AGTPBP1: variants seen among roughly 807,000 people sequenced by gnomAD.
AGTPBP1 encodes the protein ATP/GTP binding carboxypeptidase 1.
A neutral mutation model predicts 143.9 loss-of-function variants in AGTPBP1; 70 were observed. That is an observed-to-expected ratio of 0.49 (90% CI 0.40 to 0.59). The LOEUF is 0.59. AGTPBP1 is among the 20% of genes least tolerant of loss of function. The pLI is 0.00. For synonymous variants in AGTPBP1, 463 were observed against 500.2 expected (o/e 0.93, Z 0.99); for missense variants, 1,229 against 1,464.5 (o/e 0.84, Z 2.62).
Position 85,619,236 on chromosome 9 carries a change from C to G in AGTPBP1, c.2165G>C (p.Arg722Pro), listed in dbSNP as rs951175434. ...TTACTTTCTAATTTGAATTACTTTGCGCAGATTCCCAGACTCAAATTTGGA... is the reference window on the plus strand; with the variant it reads ...TTACTTTCTAATTTGAATTACTTTGGGCAGATTCCCAGACTCAAATTTGGA... Reference protein sequence around the residue: ...FNSKFESGNLRKVIQIRKNEY... With the variant: ...FNSKFESGNLPKVIQIRKNEY... Residue 722 changes from arginine to proline, a missense_variant, in exon 16 of 26, where the codon CGC (arginine) becomes CCC (proline). Coordinates refer to ENST00000357081, the MANE Select transcript of AGTPBP1 (RefSeq NM_001330701.2). The G allele has an allele frequency of 6.2e-7, 1 of 1,613,174 alleles. No individual in the cohort carries two copies. Among genetic ancestry groups the G allele is most frequent in the Non-Finnish European group, 8.5e-7 (1 of 1,179,548 alleles).
chr9:85,630,320 G>A (rs1456712352), intron 14 of AGTPBP1, among the ~76,000 whole-genome samples: 2 of 152,202 alleles, frequency 1.3e-5, no homozygotes, highest in Non-Finnish European at 2.9e-5. Context: ...TGTTCTCAGG[G>A]TTGCAAGCCC....
At chr9:85,566,930 T>C (rs538856752) in intron 25 of AGTPBP1, among the ~76,000 whole-genome samples, 2 of 152,212 alleles carry the variant, frequency 1.3e-5, no homozygotes, top group East Asian at 1.9e-4. Flanking sequence ...AATTATAAAG[T>C]CAGAAAGAAA....
intron 25 of AGTPBP1, among the ~76,000 whole-genome samples, chr9:85,571,234 G>A (rs1048880872): frequency 3.3e-5 from 5 of 152,106 alleles, no homozygotes; most frequent in African/African-American, 9.7e-5. Flanking sequence ...TATAAATACC[G>A]TTTTCCACCA....
chr9:85,562,094 A>G (rs917482307), intron 25 of AGTPBP1, among the ~76,000 whole-genome samples: 2 of 152,064 alleles, frequency 1.3e-5, no homozygotes, highest in Non-Finnish European at 2.9e-5. Context: ...CCTCCCAAAA[A>G]TACACTTTTA....
intron 6 of AGTPBP1, among the ~76,000 whole-genome samples, chr9:85,674,420 A>G (rs1339855043): frequency 6.6e-6 from 1 of 152,072 alleles, no homozygotes; most frequent in African/African-American, 2.4e-5. Context: ...TAAAATCAAT[A>G]TCTTAATTTC....
intron 1 of AGTPBP1, among the ~76,000 whole-genome samples, chr9:85,725,783 C>T (rs1448454234): frequency 2.0e-5 from 3 of 152,052 alleles, no homozygotes; most frequent in African/African-American, 7.2e-5. Context: ...CAGTGGCTCA[C>T]ACTTGTATTC....
intron 8 of AGTPBP1, among the ~76,000 whole-genome samples, chr9:85,668,346 A>C (rs190657315): frequency 3.4e-4 from 52 of 152,112 alleles, no homozygotes; most frequent in African/African-American, 1.1e-3. Flanking sequence ...GATTGTATTA[A>C]GTAAGTATCA....
chr9:85,714,958 A>T (rs1010688976), intron 1 of AGTPBP1, among the ~76,000 whole-genome samples: 1 of 152,130 alleles, frequency 6.6e-6, no homozygotes, highest in African/African-American at 2.4e-5. Flanking sequence ...GCTTATCAAA[A>T]ATAAAGGGCC....
the AGTPBP1 span, among the ~76,000 whole-genome samples, chr9:85,765,795 G>A: frequency 6.6e-6 from 1 of 152,224 alleles, no homozygotes; most frequent in Non-Finnish European, 1.5e-5. Context: ...GTGACAGGAA[G>A]TTATGAGGGC....
intron 13 of AGTPBP1, among the ~76,000 whole-genome samples, chr9:85,634,393 T>TC (rs1006031547): frequency 1.3e-4 from 19 of 151,976 alleles, no homozygotes; most frequent in Admixed American, 9.2e-4. Flanking sequence ...AGCACATAGC[T>TC]CCCAGAGTGG....
the AGTPBP1 span, among the ~76,000 whole-genome samples, chr9:85,782,387 T>C: frequency 1.3e-5 from 2 of 152,052 alleles, no homozygotes; most frequent in Non-Finnish European, 2.9e-5. Context: ...TGGTGGTGCA[T>C]GCCTGTAATC....
At chr9:85,646,267 A>G in intron 12 of AGTPBP1, 54 bp downstream of exon 12, 1 of 1,313,884 alleles carries the variant, frequency 7.6e-7, no homozygotes, top group Non-Finnish European at 1.1e-6. Flanking sequence ...TTTTTGTTTT[A>G]CAACTGTAGT....
At chr9:85,772,840 T>A in the AGTPBP1 span, among the ~76,000 whole-genome samples, 1 of 152,180 alleles carries the variant, frequency 6.6e-6, no homozygotes, top group Non-Finnish European at 1.5e-5. Context: ...GTCTAGATGT[T>A]TCAAGAATCT....
At chr9:85,614,724 C>A (rs1394483126) in intron 17 of AGTPBP1, among the ~76,000 whole-genome samples, 6 of 151,978 alleles carry the variant, frequency 3.9e-5, no homozygotes, top group African/African-American at 1.2e-4. Flanking sequence ...CACAGTGGTA[C>A]TAGATCAACA....
intron 8 of AGTPBP1, among the ~76,000 whole-genome samples, chr9:85,664,448 T>C (rs994581426): frequency 3.3e-5 from 5 of 152,188 alleles, no homozygotes; most frequent in African/African-American, 1.2e-4. Flanking sequence ...AGTTCATTTT[T>C]ATATGATTTT....
chr9:85,596,263 G>T, intron 18 of AGTPBP1, 99 bp downstream of exon 18: 3 of 760,546 alleles, frequency 3.9e-6, no homozygotes, highest in South Asian at 2.1e-5. Context: ...TTCAAAGTAT[G>T]CAATAATAAC....
chr9:85,727,102 A>G (rs1471169212), intron 1 of AGTPBP1, among the ~76,000 whole-genome samples: 1 of 152,112 alleles, frequency 6.6e-6, no homozygotes, highest in Non-Finnish European at 1.5e-5. Flanking sequence ...TGAGGTGGTC[A>G]GGTCACCTGA....
At chr9:85,683,002 C>T (rs751166775) in intron 3 of AGTPBP1, among the ~76,000 whole-genome samples, 41 of 152,180 alleles carry the variant, frequency 2.7e-4, no homozygotes, top group Admixed American at 4.6e-4. Flanking sequence ...CTTAAAACAA[C>T]AATCTCATGC....
At chr9:85,783,766 C>T in the AGTPBP1 span, among the ~76,000 whole-genome samples, 1 of 152,150 alleles carries the variant, frequency 6.6e-6, no homozygotes, top group Non-Finnish European at 1.5e-5. Context: ...TCCTCAGTAG[C>T]TGGGATTACA....
Sources: gnomAD v4.1 joint callset for allele counts (sites outside exome capture counted in the v4.1 genomes callset) on GRCh38, gnomAD v4.1.1 for gene constraint, MANE v1.5 for transcripts, NCBI Gene and HGNC (gene_info 2026-07-23, HGNC 2026-07-21) for gene names.